LRRC4C: variants seen among roughly 807,000 people sequenced by gnomAD.
LRRC4C encodes the protein leucine-rich repeat-containing protein 4C.
LRRC4C carries 5 observed loss-of-function variants against 33.6 expected under a neutral mutation model. That is an observed-to-expected ratio of 0.15 (90% confidence interval 0.08 to 0.31). The LOEUF is 0.31. Ranked by LOEUF, LRRC4C falls within the 10% of genes least tolerant of loss-of-function variation. The probability of loss-of-function intolerance (pLI) is 1.00; values close to 1 mark genes in which losing one functional copy is unlikely to be tolerated. For missense variants in LRRC4C, 560 were observed against 796.7 expected (o/e 0.70, Z 3.58); for synonymous variants, 329 against 302.0 (o/e 1.09, Z -0.93).
chr11:40,122,102 G>T (rs1401453838), intron 6 of LRRC4C, among the ~76,000 whole-genome samples: 2 of 152,070 alleles, frequency 1.3e-5, no homozygotes, highest in Non-Finnish European at 2.9e-5. Flanking sequence ...AAATTCAACA[G>T]ACATCTGTGC....
chr11:40,827,974 G>A (rs957025677), intron 2 of LRRC4C, among the ~76,000 whole-genome samples: 3 of 151,654 alleles, frequency 2.0e-5, no homozygotes, highest in Non-Finnish European at 3.0e-5. Flanking sequence ...ATAGAGTCTT[G>A]TTTAGATTCT....
At chr11:40,594,577 T>C (rs903209233) in intron 3 of LRRC4C, among the ~76,000 whole-genome samples, 3 of 152,188 alleles carry the variant, frequency 2.0e-5, no homozygotes, top group Non-Finnish European at 4.4e-5. Flanking sequence ...TTGTATCTTA[T>C]TGAATTCTTG....
intron 3 of LRRC4C, among the ~76,000 whole-genome samples, chr11:40,544,565 C>A (rs535374237): frequency 6.6e-6 from 1 of 152,048 alleles, no homozygotes; most frequent in African/African-American, 2.4e-5. Flanking sequence ...TAAGCTACAA[C>A]AAAATACACT....
At chr11:41,239,041 C>G (rs751896141) in intron 1 of LRRC4C, among the ~76,000 whole-genome samples, 7 of 150,902 alleles carry the variant, frequency 4.6e-5, no homozygotes, top group Non-Finnish European at 1.0e-4. Context: ...ATTGGCCGGG[C>G]ACGGTGTCTC....
At chr11:41,082,049 C>A (rs1371462720) in intron 1 of LRRC4C, among the ~76,000 whole-genome samples, 1 of 152,156 alleles carries the variant, frequency 6.6e-6, no homozygotes, top group Non-Finnish European at 1.5e-5. Context: ...CTTGATTGAA[C>A]TGGTCTCAAT....
chr11:40,141,594 A>G (rs1228029131), intron 5 of LRRC4C, among the ~76,000 whole-genome samples: 3 of 152,238 alleles, frequency 2.0e-5, no homozygotes, highest in Non-Finnish European at 4.4e-5. Context: ...GAGGAACTGC[A>G]GATAGAAAGA....
chr11:41,140,844 A>C (rs987041231), intron 1 of LRRC4C, among the ~76,000 whole-genome samples: 1 of 152,202 alleles, frequency 6.6e-6, no homozygotes, highest in East Asian at 1.9e-4. Flanking sequence ...TTACATAAGT[A>C]AAAATTTGTT....
chr11:40,663,283 A>G (rs994135239), intron 2 of LRRC4C, among the ~76,000 whole-genome samples: 2 of 152,078 alleles, frequency 1.3e-5, no homozygotes, highest in African/African-American at 4.8e-5. Flanking sequence ...GGGTTTCGCC[A>G]TGTTGTTCAA....
intron 1 of LRRC4C, among the ~76,000 whole-genome samples, chr11:41,027,029 G>A (rs576200125): frequency 6.6e-6 from 1 of 151,494 alleles, no homozygotes; most frequent in Non-Finnish European, 1.5e-5. Context: ...CTTGTTGCTA[G>A]TCTAGTGCTT....
At chr11:40,781,256 G>A (rs1027144726) in intron 2 of LRRC4C, among the ~76,000 whole-genome samples, 8 of 152,032 alleles carry the variant, frequency 5.3e-5, no homozygotes, top group African/African-American at 1.9e-4. Flanking sequence ...CATTGTATAT[G>A]CAGTCTGTCA....
intron 1 of LRRC4C, among the ~76,000 whole-genome samples, chr11:41,347,926 A>G (rs1394840473): frequency 1.3e-5 from 2 of 152,236 alleles, no homozygotes; most frequent in East Asian, 3.9e-4. Flanking sequence ...AAGCCAAGGA[A>G]AATGAAGTGT....
intron 3 of LRRC4C, among the ~76,000 whole-genome samples, chr11:40,410,185 T>C (rs1249776711): frequency 6.6e-6 from 1 of 151,940 alleles, no homozygotes; most frequent in African/African-American, 2.4e-5. Context: ...TGTTGTATAA[T>C]AGAAATGTAA....
intron 2 of LRRC4C, among the ~76,000 whole-genome samples, chr11:40,857,957 G>GGGAAAT (rs1295594804): frequency 4.5e-5 from 3 of 65,960 alleles, no homozygotes; most frequent in Non-Finnish European, 1.3e-4. Context: ...GAAAGGGAAA[G>GGGAAAT]GGAAAGGGAA....
At chr11:40,159,791 A>G (rs76321773) in intron 5 of LRRC4C, among the ~76,000 whole-genome samples, 2,672 of 152,240 alleles carry the variant, frequency 0.018, 82 homozygotes, top group African/African-American at 0.06. Context: ...AAATTACATT[A>G]TATGTTTATT....
intron 2 of LRRC4C, among the ~76,000 whole-genome samples, chr11:40,651,355 G>C (rs925550798): frequency 1.3e-5 from 2 of 151,964 alleles, no homozygotes; most frequent in East Asian, 1.9e-4. Context: ...AGATGGGGGT[G>C]GGGGAGAGGA....
chr11:40,731,275 C>T (rs572375961), intron 2 of LRRC4C, among the ~76,000 whole-genome samples: 2 of 152,000 alleles, frequency 1.3e-5, no homozygotes, highest in South Asian at 2.1e-4. Flanking sequence ...GCTGAGATCA[C>T]GCCACTGCAC....
chr11:40,523,677 A>G (rs1216316166), intron 3 of LRRC4C, among the ~76,000 whole-genome samples: 3 of 151,686 alleles, frequency 2.0e-5, no homozygotes, highest in African/African-American at 7.2e-5. Flanking sequence ...AAGGAGAGGT[A>G]AACTTCACTC....
chr11:40,169,809 G>T (rs562066974), intron 5 of LRRC4C, among the ~76,000 whole-genome samples: 1 of 152,016 alleles, frequency 6.6e-6, no homozygotes, highest in Non-Finnish European at 1.5e-5. Context: ...CAATTCACAC[G>T]ATTTCTTATT....
At chr11:40,550,854 G>A (rs1388045030) in intron 3 of LRRC4C, among the ~76,000 whole-genome samples, 1 of 151,986 alleles carries the variant, frequency 6.6e-6, no homozygotes. Context: ...CCTGATTGAA[G>A]TTGGGAAAAA....
Sources: allele counts gnomAD v4.1 joint callset (sites outside exome capture counted in the v4.1 genomes callset), GRCh38; gene constraint gnomAD v4.1.1; transcripts MANE v1.5; gene names NCBI Gene and HGNC (gene_info 2026-07-23, HGNC 2026-07-21).